EXOC4: variants seen among roughly 807,000 people sequenced by gnomAD.
EXOC4 encodes the protein SEC8-like 1.
In EXOC4, 71 loss-of-function variants were observed where a neutral mutation model predicts 107.2. That is an observed-to-expected ratio of 0.66 (90% CI 0.55 to 0.81). The LOEUF (loss-of-function observed/expected upper bound fraction) is 0.81. Among genes scored for constraint, EXOC4 ranks in the 30% least tolerant of loss-of-function variants. The pLI is 0.00. For missense variants in EXOC4, 1,108 were observed against 1,189.6 expected (o/e 0.93, Z 1.01); for synonymous variants, 456 against 441.2 (o/e 1.03, Z -0.42).
intron 11 of EXOC4, among the ~76,000 whole-genome samples, chr7:133,867,437 TC>T (rs1208273923): frequency 6.6e-6 from 1 of 152,188 alleles, no homozygotes; most frequent in Non-Finnish European, 1.5e-5. Flanking sequence ...TCTTACCCCT[TC>T]CCATTGAGGG....
At chr7:133,800,976 G>A (rs1482647070) in intron 10 of EXOC4, among the ~76,000 whole-genome samples, 3 of 152,144 alleles carry the variant, frequency 2.0e-5, no homozygotes, top group Non-Finnish European at 2.9e-5. Context: ...TTCTTTTGAT[G>A]AGTAAATGAA....
At chr7:133,439,493 C>T (rs910644133) in intron 7 of EXOC4, among the ~76,000 whole-genome samples, 1 of 152,020 alleles carries the variant, frequency 6.6e-6, no homozygotes, top group Non-Finnish European at 1.5e-5. Context: ...CATATTTCAT[C>T]AGTTCTAATG....
chr7:133,363,127 A>G (rs542497087), intron 6 of EXOC4, among the ~76,000 whole-genome samples: 1 of 152,344 alleles, frequency 6.6e-6, no homozygotes, highest in East Asian at 1.9e-4. Context: ...TCTACTTTTG[A>G]TTACACATAT....
chr7:133,533,725 G>A (rs1486369354), intron 9 of EXOC4, among the ~76,000 whole-genome samples: 2 of 152,058 alleles, frequency 1.3e-5, no homozygotes, highest in Admixed American at 6.6e-5. Flanking sequence ...CTGTTTATTT[G>A]TTTTATAATT....
At chr7:133,659,583 T>C (rs902944598) in intron 10 of EXOC4, among the ~76,000 whole-genome samples, 27 of 152,178 alleles carry the variant, frequency 1.8e-4, no homozygotes, top group African/African-American at 6.0e-4. Flanking sequence ...TGCATCAAAA[T>C]CAGCAGGGGT....
intron 7 of EXOC4, among the ~76,000 whole-genome samples, chr7:133,465,817 T>C (rs919865706): frequency 3.3e-5 from 5 of 152,232 alleles, no homozygotes; most frequent in South Asian, 2.1e-4. Context: ...AATAATCATA[T>C]GTTTTCATCC....
intron 7 of EXOC4, among the ~76,000 whole-genome samples, chr7:133,385,311 C>T (rs1315641450): frequency 6.6e-6 from 1 of 152,098 alleles, no homozygotes; most frequent in African/African-American, 2.4e-5. Flanking sequence ...TCTGCCACTT[C>T]GTTGTGGACT....
intron 10 of EXOC4, among the ~76,000 whole-genome samples, chr7:133,804,734 A>G (rs1216588602): frequency 1.3e-5 from 2 of 152,194 alleles, no homozygotes; most frequent in Non-Finnish European, 2.9e-5. Flanking sequence ...GCTTCACTAA[A>G]TTTCACGTTT....
intron 10 of EXOC4, among the ~76,000 whole-genome samples, chr7:133,673,385 CA>C (rs1793989149): frequency 6.6e-6 from 1 of 152,146 alleles, no homozygotes; most frequent in Non-Finnish European, 1.5e-5. Flanking sequence ...TTATTTTTCT[CA>C]TCTTTTAATT....
chr7:133,359,729 T>C (rs1796097702), intron 6 of EXOC4, among the ~76,000 whole-genome samples: 1 of 152,210 alleles, frequency 6.6e-6, no homozygotes, highest in Admixed American at 6.5e-5. Flanking sequence ...AGAATTAATG[T>C]TGTGTGCTAT....
intron 11 of EXOC4, among the ~76,000 whole-genome samples, chr7:133,825,731 T>C (rs189551065): frequency 1.4e-4 from 22 of 152,284 alleles, no homozygotes; most frequent in African/African-American, 5.1e-4. Context: ...GCCCTTCCAC[T>C]CTGGTAGAGA....
intron 7 of EXOC4, among the ~76,000 whole-genome samples, chr7:133,400,611 C>G (rs549472349): frequency 6.6e-6 from 1 of 152,252 alleles, no homozygotes; most frequent in African/African-American, 2.4e-5. Flanking sequence ...TTTTTCGTTT[C>G]TCTACATTCC....
chr7:134,006,324 G>A (rs1163070696), intron 16 of EXOC4, among the ~76,000 whole-genome samples: 2 of 152,030 alleles, frequency 1.3e-5, no homozygotes, highest in African/African-American at 4.8e-5. Flanking sequence ...AACAAAAACT[G>A]TACCTAAAGT....
chr7:133,453,258 A>G (rs1003750068), intron 7 of EXOC4, among the ~76,000 whole-genome samples: 18 of 152,218 alleles, frequency 1.2e-4, no homozygotes, highest in Non-Finnish European at 2.6e-4. Context: ...GCCAGCGTCT[A>G]TAGTAGGAAT....
chr7:133,342,618 T>C (rs989492352), intron 5 of EXOC4, among the ~76,000 whole-genome samples: 5 of 151,754 alleles, frequency 3.3e-5, no homozygotes, highest in Admixed American at 2.6e-4. Flanking sequence ...AAGTAAGTTT[T>C]CCAAACTTTT....
In EXOC4 at chr7:133,260,141, A is replaced by G. The variant is rs149415803; in HGVS notation, c.86+6954A>G. ...TTGCAACTTTGTCAAAAACCAATTT[A>G]CTTTATATGTGTGGGTTTATTTCTT... On this transcript the variant is annotated intron_variant, in intron 1 of 17. Transcript: ENST00000253861. 8.3e-3 allele frequency among the ~76,000 whole-genome samples: 1,266 copies of G among 151,942 alleles called. 12 individuals are homozygous for G. The highest frequency in any genetic ancestry group is 0.029 in the African/African-American group (1,182 of 41,422).
At chr7:134,015,058 G>A (rs746214071) in intron 17 of EXOC4, among the ~76,000 whole-genome samples, 14 of 152,118 alleles carry the variant, frequency 9.2e-5, no homozygotes, top group Non-Finnish European at 1.2e-4. Context: ...GGGTAGTTCC[G>A]GGGACTGGAG....
intron 10 of EXOC4, among the ~76,000 whole-genome samples, chr7:133,706,494 C>A (rs1041102872): frequency 6.6e-6 from 1 of 152,074 alleles, no homozygotes; most frequent in African/African-American, 2.4e-5. Context: ...AAATATAGTG[C>A]AAGCCACAAA....
intron 7 of EXOC4, among the ~76,000 whole-genome samples, chr7:133,419,026 C>A (rs1584901788): frequency 2.6e-5 from 4 of 152,190 alleles, no homozygotes; most frequent in Admixed American, 2.6e-4. Flanking sequence ...ATATGATATT[C>A]CTGGTGTAAG....
Sources: allele counts gnomAD v4.1 joint callset (sites outside exome capture counted in the v4.1 genomes callset), GRCh38; gene constraint gnomAD v4.1.1; transcripts MANE v1.5; gene names NCBI Gene and HGNC (gene_info 2026-07-23, HGNC 2026-07-21).